The following LRPPRC variants were observed in gnomAD, a reference collection of about 807,000 sequenced individuals.
LRPPRC encodes the protein leucine rich pentatricopeptide repeat containing.
In LRPPRC, 120 loss-of-function variants were observed where a neutral mutation model predicts 180.3. The ratio of observed to expected loss-of-function variants is 0.67; its 90% confidence interval spans 0.57 to 0.77. The LOEUF (loss-of-function observed/expected upper bound fraction) is 0.77, where lower values mean the gene tolerates loss of function less well. Ranked by LOEUF, LRPPRC falls within the 30% of genes least tolerant of loss-of-function variation. The pLI, the probability that LRPPRC is intolerant of heterozygous loss-of-function variation, is 0.00. For missense variants in LRPPRC, 2,012 were observed against 1,657.2 expected (o/e 1.21, Z -3.72); for synonymous variants, 723 against 600.0 (o/e 1.21, Z -3.00).
At position 43,975,150 on chromosome 2, in the gene LRPPRC, T is replaced by A; in HGVS notation, c.805A>T (p.Thr269Ser). 6.2e-7 allele frequency: 1 copy of A among 1,613,510 alleles called. No individual in the cohort carries two copies. Among genetic ancestry groups the A allele is most frequent in the Non-Finnish European group, 8.5e-7 (1 of 1,179,598 alleles). ...TATGCATTCAATAATGCGAGGTATG[T>A]GTCTGGACCAGGCTCAATTCCGGCA... ...RDAGIEPGPD[T>S]YLALLNAYAE... Residue 269 changes from threonine (T) to serine (S), a missense_variant, in exon 7 of 38, where the codon ACA becomes TCA. By Grantham distance (58) the Thr-to-Ser change is moderately conservative. Coordinates refer to ENST00000260665, the MANE Select transcript of LRPPRC (RefSeq NM_133259.4).
rs1418916597 is a variant in LRPPRC, at chr2:43,995,888, G to A, written c.60C>T (p.Leu20=). 11 of 1,508,340 alleles carry A rather than the reference G, an allele frequency of 7.3e-6. No individual in the cohort carries two copies. Among genetic ancestry groups the A allele is most frequent in the African/African-American group, 1.4e-5 (1 of 69,482 alleles). 93.4% of individuals were successfully genotyped at this position (1,508,340 alleles called of 1,614,324 possible). ...CAGGGAGGAGGCGCAGGGAGAGCGG[G>A]AGGCGCGGGGCCGCCCCGGCACGCA... is the stretch of plus-strand genomic sequence containing the variant. ...WLLRAGAAPR[L]PLSLRLLPGG... Residue 20 remains leucine (L), a synonymous_variant, in exon 1 of 38, where the codon CTC becomes CTT. Transcript: ENST00000260665.
At chr2:43,959,116 A>T in intron 13 of LRPPRC, 1 of 676,846 alleles carries the variant, frequency 1.5e-6, no homozygotes, top group Non-Finnish European at 2.7e-6. Flanking sequence ...ACGAAGTGGA[A>T]TGGATGATAT....
chr2:43,933,099 A>C (rs1050981799), intron 25 of LRPPRC, among the ~76,000 whole-genome samples: 1 of 152,124 alleles, frequency 6.6e-6, no homozygotes, highest in Non-Finnish European at 1.5e-5. Flanking sequence ...TGAACCACTT[A>C]AGCTACAGAA....
At chr2:43,974,893 G>A in intron 7 of LRPPRC, 135 bp from the exon 8 acceptor site, 6 of 1,000,468 alleles carry the variant, frequency 6.0e-6, no homozygotes, top group Non-Finnish European at 7.7e-6. Flanking sequence ...TTAAAAAACA[G>A]GAAATACTCT....
At chr2:43,963,435 A>G in intron 12 of LRPPRC, 153 bp downstream of exon 12, 1 of 671,170 alleles carries the variant, frequency 1.5e-6, no homozygotes, top group Non-Finnish European at 2.7e-6. Flanking sequence ...TGAGAGAGAA[A>G]CTCCATCTCA....
intron 29 of LRPPRC, among the ~76,000 whole-genome samples, chr2:43,916,944 CG>C (rs201801339): frequency 0.14 from 8,695 of 61,566 alleles, 443 homozygotes; most frequent in South Asian, 0.23. Context: ...GACCTGTCTC[CG>C]GGGGGAAAAA....
chr2:43,987,111 G>A (rs1488660317), intron 1 of LRPPRC, among the ~76,000 whole-genome samples: 4 of 152,156 alleles, frequency 2.6e-5, no homozygotes, highest in African/African-American at 7.2e-5. Context: ...AATCCCACTT[G>A]ATCACGGTAA....
At chr2:43,990,505 T>C (rs1005905628) in intron 1 of LRPPRC, among the ~76,000 whole-genome samples, 1 of 152,120 alleles carries the variant, frequency 6.6e-6, no homozygotes, top group Non-Finnish European at 1.5e-5. Context: ...TAACCTACCT[T>C]CTAAGCAATC....
intron 36 of LRPPRC, among the ~76,000 whole-genome samples, chr2:43,893,355 CA>C (rs1443454832): frequency 1.3e-5 from 2 of 152,148 alleles, no homozygotes; most frequent in African/African-American, 4.8e-5. Context: ...AACAACATCG[CA>C]TACTACAGAG....
At chr2:43,982,150 T>A in intron 2 of LRPPRC, 88 bp downstream of exon 2, 2 of 873,694 alleles carry the variant, frequency 2.3e-6, no homozygotes, top group Non-Finnish European at 1.8e-6. Flanking sequence ...TCAAGCGATC[T>A]ACCTGCCTCC....
chr2:43,952,763 T>C (rs1211466146), intron 14 of LRPPRC, among the ~76,000 whole-genome samples: 1 of 152,152 alleles, frequency 6.6e-6, no homozygotes, highest in Non-Finnish European at 1.5e-5. Context: ...CGATGTAAAA[T>C]ACCTTCAACT....
At chr2:43,974,816 A>C in intron 7 of LRPPRC, 58 bp from the exon 8 acceptor site, 2 of 1,516,142 alleles carry the variant, frequency 1.3e-6, no homozygotes, top group Non-Finnish European at 1.8e-6. Flanking sequence ...TTAAGTATTA[A>C]AGCTAAATAA....
At chr2:43,938,460 T>A (rs186426001) in intron 23 of LRPPRC, among the ~76,000 whole-genome samples, 56 of 152,324 alleles carry the variant, frequency 3.7e-4, no homozygotes, top group African/African-American at 1.3e-3. Flanking sequence ...TAGAGTTAAA[T>A]TCATTAACTT....
chr2:43,889,192 G>A (rs1029746610), intron 37 of LRPPRC, among the ~76,000 whole-genome samples: 2 of 151,638 alleles, frequency 1.3e-5, no homozygotes, highest in African/African-American at 4.8e-5. Flanking sequence ...GCAGGCCCCT[G>A]TAATCCCAGC....
intron 1 of LRPPRC, among the ~76,000 whole-genome samples, chr2:43,989,147 A>C (rs1572587847): frequency 1.3e-5 from 2 of 152,318 alleles, no homozygotes; most frequent in Middle Eastern, 3.4e-3. Flanking sequence ...TGCGGAGATT[A>C]CTGGGCCTGG....
intron 8 of LRPPRC, 111 bp from the exon 9 acceptor site, chr2:43,974,406 A>G (rs1454638075): frequency 1.1e-5 from 10 of 873,570 alleles, no homozygotes; most frequent in Non-Finnish European, 1.9e-5. Flanking sequence ...TCAAAAGCAT[A>G]TAACTGCCTA....
chr2:43,946,667 G>C (rs1312827576), intron 20 of LRPPRC, among the ~76,000 whole-genome samples: 1 of 151,970 alleles, frequency 6.6e-6, no homozygotes, highest in Non-Finnish European at 1.5e-5. Context: ...GAATTTAACA[G>C]TAGCAGATTA....
intron 25 of LRPPRC, among the ~76,000 whole-genome samples, chr2:43,933,405 C>G (rs1275642075): frequency 6.6e-6 from 1 of 152,076 alleles, no homozygotes; most frequent in African/African-American, 2.4e-5. Context: ...TGACCAAAAG[C>G]GAAGTATAAT....
intron 27 of LRPPRC, among the ~76,000 whole-genome samples, chr2:43,918,921 G>A (rs920377992): frequency 6.0e-5 from 9 of 151,116 alleles, no homozygotes; most frequent in South Asian, 2.1e-4. Context: ...TACGTGTACC[G>A]TATGCAATAT....
Sources: gnomAD v4.1 joint callset for allele counts (sites outside exome capture counted in the v4.1 genomes callset) on GRCh38, gnomAD v4.1.1 for gene constraint, MANE v1.5 for transcripts, NCBI Gene and HGNC (gene_info 2026-07-23, HGNC 2026-07-21) for gene names.